The following ROBO2 variants were observed in gnomAD, a reference collection of about 807,000 sequenced individuals.
The protein encoded by ROBO2 is roundabout homolog 2.
ROBO2 carries 53 observed loss-of-function variants against 160.8 expected under a neutral mutation model. That is an observed-to-expected ratio of 0.33 (90% CI 0.26 to 0.41). The LOEUF is 0.41. Ranked by LOEUF, ROBO2 falls within the 10% of genes least tolerant of loss-of-function variation. The pLI, the probability that ROBO2 is intolerant of heterozygous loss-of-function variation, is 1.00. For synonymous variants in ROBO2, 664 were observed against 611.7 expected, an observed-to-expected ratio of 1.09 and a Z score of -1.26; for missense variants, 1,577 against 1,722.4, an observed-to-expected ratio of 0.92 and a Z score of 1.49.
intron 1 of ROBO2, among the ~76,000 whole-genome samples, chr3:77,061,979 T>A (rs1248679231): frequency 6.6e-6 from 1 of 152,114 alleles, no homozygotes. Context: ...GGTGAGCAGG[T>A]AAACCAGTGA....
intron 2 of ROBO2, among the ~76,000 whole-genome samples, chr3:76,973,981 A>T (rs1577966568): frequency 6.6e-6 from 1 of 152,212 alleles, no homozygotes; most frequent in Admixed American, 6.5e-5. Context: ...TTATGGCAGG[A>T]CAAGAGGTTT....
intron 1 of ROBO2, among the ~76,000 whole-genome samples, chr3:77,061,659 A>G (rs1220281102): frequency 6.6e-6 from 1 of 152,158 alleles, no homozygotes; most frequent in Admixed American, 6.5e-5. Flanking sequence ...TTTTTCTGGC[A>G]CATATGTGAA....
At chr3:77,472,238 A>G (rs928076538) in intron 2 of ROBO2, among the ~76,000 whole-genome samples, 1 of 152,118 alleles carries the variant, frequency 6.6e-6, no homozygotes, top group African/African-American at 2.4e-5. Flanking sequence ...TTCATGCTCA[A>G]GGGGAGGGGA....
chr3:76,973,503 T>C (rs1185299274), intron 2 of ROBO2, among the ~76,000 whole-genome samples: 2 of 152,042 alleles, frequency 1.3e-5, no homozygotes, highest in Non-Finnish European at 2.9e-5. Flanking sequence ...ATTATTAAAC[T>C]AAATGAATAA....
intron 2 of ROBO2, among the ~76,000 whole-genome samples, chr3:76,787,215 C>T (rs1373207876): frequency 6.6e-6 from 1 of 151,304 alleles, no homozygotes; most frequent in African/African-American, 2.4e-5. Flanking sequence ...CAAACCATAT[C>T]ACAATGCCTT....
At chr3:76,164,317 T>A (rs1464129926) in intron 2 of ROBO2, among the ~76,000 whole-genome samples, 1 of 152,336 alleles carries the variant, frequency 6.6e-6, no homozygotes, top group Middle Eastern at 3.4e-3. Flanking sequence ...CCTGTCCATG[T>A]TGATATTTTT....
chr3:77,612,826 G>T (rs1490829609), intron 21 of ROBO2, among the ~76,000 whole-genome samples: 1 of 152,062 alleles, frequency 6.6e-6, no homozygotes, highest in Non-Finnish European at 1.5e-5. Context: ...GGTGCCTGTA[G>T]TCCCAGCTAC....
At chr3:76,995,773 C>G (rs2060963260) in intron 2 of ROBO2, among the ~76,000 whole-genome samples, 1 of 152,252 alleles carries the variant, frequency 6.6e-6, no homozygotes, top group East Asian at 1.9e-4. Context: ...CTGTTCATAT[C>G]GTTTGCCCAC....
At chr3:76,149,153 C>T (rs2072044266) in intron 2 of ROBO2, among the ~76,000 whole-genome samples, 1 of 152,052 alleles carries the variant, frequency 6.6e-6, no homozygotes, top group African/African-American at 2.4e-5. Context: ...AGGACATCAA[C>T]TAGACTGATC....
intron 2 of ROBO2, among the ~76,000 whole-genome samples, chr3:77,104,847 A>G (rs938259185): frequency 3.9e-5 from 6 of 152,188 alleles, no homozygotes; most frequent in African/African-American, 1.2e-4. Context: ...AAAAATATAG[A>G]ACAATTAACC....
At chr3:77,288,951 T>G (rs1020546360) in intron 2 of ROBO2, among the ~76,000 whole-genome samples, 2 of 152,182 alleles carry the variant, frequency 1.3e-5, no homozygotes, top group African/African-American at 4.8e-5. Context: ...ATGTGAGACC[T>G]CTATATTGAA....
chr3:76,417,037 T>C (rs564219277), intron 2 of ROBO2, among the ~76,000 whole-genome samples: 4 of 152,366 alleles, frequency 2.6e-5, no homozygotes, highest in Non-Finnish European at 5.9e-5. Context: ...GTGCTGGCTA[T>C]TCAGTTATCA....
chr3:77,494,154 T>G (rs1395498846), intron 5 of ROBO2, among the ~76,000 whole-genome samples: 1 of 152,228 alleles, frequency 6.6e-6, no homozygotes, highest in Non-Finnish European at 1.5e-5. Flanking sequence ...CACAAGTAAT[T>G]TTATCTTTAA....
intron 24 of ROBO2, among the ~76,000 whole-genome samples, chr3:77,640,193 G>T (rs2095329450): frequency 7.5e-6 from 1 of 133,540 alleles, no homozygotes; most frequent in Non-Finnish European, 1.5e-5. Flanking sequence ...CTCACTGCAA[G>T]ATCCGCCTCC....
intron 2 of ROBO2, among the ~76,000 whole-genome samples, chr3:76,534,955 A>G (rs749415428): frequency 6.6e-6 from 1 of 152,074 alleles, no homozygotes; most frequent in Non-Finnish European, 1.5e-5. Context: ...GCAGATGGGC[A>G]GAAAGAAAGT....
At chr3:76,887,448 G>T (rs1376327196) in intron 2 of ROBO2, among the ~76,000 whole-genome samples, 1 of 151,430 alleles carries the variant, frequency 6.6e-6, no homozygotes, top group African/African-American at 2.4e-5. Flanking sequence ...TTTTTCAGAG[G>T]ATCATTAACT....
chr3:76,749,248 C>A (rs1033872099), intron 2 of ROBO2, among the ~76,000 whole-genome samples: 3 of 151,234 alleles, frequency 2.0e-5, no homozygotes, highest in South Asian at 2.1e-4. Context: ...GTAATAATTT[C>A]TTTAGAAAAA....
intron 2 of ROBO2, among the ~76,000 whole-genome samples, chr3:76,188,498 A>C (rs892336602): frequency 6.6e-6 from 1 of 151,972 alleles, no homozygotes; most frequent in African/African-American, 2.4e-5. Flanking sequence ...ACTCTCCCAC[A>C]CATGCTTGAG....
In ROBO2 at chr3:76,294,503, C is replaced by T. The variant is rs576235560; in HGVS notation, c.109+356901C>T. On this transcript the variant is annotated intron_variant, in intron 2 of 26. Coordinates refer to the ROBO2 transcript ENST00000487694. ...AAATATCCATTGTCCACTTTTTAGC[C>T]AGATGCTATTTTCCATTGAGCTCAT... Among the ~76,000 whole-genome samples the T allele has an allele frequency of 5.3e-5, 8 of 152,258 alleles. No homozygotes were observed. In the South Asian group the frequency reaches 1.5e-3, roughly 28 times the overall value.
Sources: gnomAD v4.1 joint callset for allele counts (sites outside exome capture counted in the v4.1 genomes callset) on GRCh38, gnomAD v4.1.1 for gene constraint, MANE v1.5 for transcripts, NCBI Gene and HGNC (gene_info 2026-07-23, HGNC 2026-07-21) for gene names.